AGAP1: variants seen among roughly 807,000 people sequenced by gnomAD.
AGAP1 encodes arf-GAP with GTPase, ANK repeat and PH domain-containing protein 1.
AGAP1 carries 29 observed loss-of-function variants against 105.3 expected under a neutral mutation model. The ratio of observed to expected loss-of-function variants is 0.28; its 90% confidence interval spans 0.21 to 0.38. The LOEUF (loss-of-function observed/expected upper bound fraction) is 0.38, where lower values mean the gene tolerates loss of function less well. Ranked by LOEUF, AGAP1 falls within the 10% of genes least tolerant of loss-of-function variation. The pLI is 1.00. For synonymous variants in AGAP1, 509 were observed against 485.9 expected, an observed-to-expected ratio of 1.05 and a Z score of -0.63; for missense variants, 998 against 1,165.1, an observed-to-expected ratio of 0.86 and a Z score of 2.09.
intron 16 of AGAP1, among the ~76,000 whole-genome samples, chr2:236,110,166 AG>A (rs2059607331): frequency 1.3e-5 from 2 of 152,142 alleles, no homozygotes; most frequent in African/African-American, 4.8e-5. Context: ...CTTCCTCACT[AG>A]GTGTTGTTAG....
chr2:236,126,742 A>T lies in AGAP1; in HGVS notation c.*2620A>T, dbSNP rs1448216635. On this transcript the variant is annotated 3_prime_UTR_variant, in exon 18 of 18. Transcript: ENST00000304032. Reference sequence around the variant, plus strand: ...GGGCCCAAGTTTTGGTAGCAGAAGGAAAGGCAGTTTTTGAGGGTCTTTCGA... The same window carrying T: ...GGGCCCAAGTTTTGGTAGCAGAAGGTAAGGCAGTTTTTGAGGGTCTTTCGA... 6.6e-6 allele frequency: 1 copy of T among 152,130 alleles called. No homozygotes were observed. Among genetic ancestry groups the T allele is most frequent in the Non-Finnish European group, 1.5e-5 (1 of 68,036 alleles). 9.4% of individuals were successfully genotyped at this position (152,130 alleles called of 1,614,324 possible).
rs572134079 is a variant in AGAP1 at position 235,559,180 on chromosome 2, G to A, written c.163+64331G>A. Among the ~76,000 whole-genome samples the A allele has an allele frequency of 6.6e-6, 1 of 152,320 alleles. No individual in the cohort carries two copies. The highest frequency in any genetic ancestry group is 1.9e-4 in the East Asian group (1 of 5,188). Reference sequence around the variant, plus strand: ...GGGCTTAAGTGATCCTCGCACCTCAGCTTCCCAAAGTGCTGGGATTATAGG... The same window carrying A: ...GGGCTTAAGTGATCCTCGCACCTCAACTTCCCAAAGTGCTGGGATTATAGG... On this transcript the variant is annotated intron_variant, in intron 1 of 17. Transcript: ENST00000304032. The surrounding 1 kb of genome is among the most constrained non-coding windows in gnomAD (Gnocchi z 5.7).
chr2:236,093,913 T>C (rs1032269486), intron 16 of AGAP1, among the ~76,000 whole-genome samples: 7 of 152,136 alleles, frequency 4.6e-5, no homozygotes, highest in Admixed American at 1.3e-4. Context: ...CTGAGAAACA[T>C]ATAAAAACAC....
intron 1 of AGAP1, among the ~76,000 whole-genome samples, chr2:235,573,045 C>CT (rs1188011569): frequency 0.015 from 261 of 17,806 alleles, 14 homozygotes; most frequent in Middle Eastern, 0.067. Flanking sequence ...TCTTCTTCTT[C>CT]TTCTTCTTCT....
At position 235,982,943 on chromosome 2, in the gene AGAP1, G is replaced by A. The variant is rs940233927; in HGVS notation, c.1645+14320G>A. 2.0e-5 allele frequency among the ~76,000 whole-genome samples: 3 copies of A among 152,156 alleles called. No homozygotes were observed. Among genetic ancestry groups the A allele is most frequent in the Non-Finnish European group, 4.4e-5 (3 of 68,032 alleles). On this transcript the variant is annotated intron_variant, in intron 13 of 17. Coordinates refer to ENST00000304032, the MANE Select transcript of AGAP1 (RefSeq NM_001037131.3). This position sits in a 1 kb window ranked among gnomAD's most constrained non-coding sequence, Gnocchi z 4.9. ...AAGATTTGATACCCATTCATTTATA[G>A]GCCAAATCCAGTTCTTATTTTAATT...
intron 11 of AGAP1, among the ~76,000 whole-genome samples, chr2:235,920,270 C>T (rs1469857113): frequency 6.6e-6 from 1 of 152,126 alleles, no homozygotes; most frequent in South Asian, 2.1e-4. Context: ...TAGCGTCTGA[C>T]ATGGTAAATA....
In AGAP1 at chr2:235,900,658, T is replaced by C. The variant is rs182392276; in HGVS notation, c.1156-8080T>C. On this transcript the variant is annotated intron_variant, in intron 10 of 17. Transcript: ENST00000304032. The surrounding 1 kb of genome is among the most constrained non-coding windows in gnomAD (Gnocchi z 5.5). Reference sequence around the variant, plus strand: ...GCAAAGTATTGTCACCTAGTTGGCATTGTAATTGTGACTTCAAAAGGCCAT... The same window carrying C: ...GCAAAGTATTGTCACCTAGTTGGCACTGTAATTGTGACTTCAAAAGGCCAT... 1.2e-4 allele frequency among the ~76,000 whole-genome samples: 18 copies of C among 152,312 alleles called. No individual in the cohort carries two copies. The highest frequency in any genetic ancestry group is 2.1e-4 in the South Asian group (1 of 4,828).
chr2:236,107,956 CATA>C (rs2059541858), intron 16 of AGAP1, among the ~76,000 whole-genome samples: 1 of 152,258 alleles, frequency 6.6e-6, no homozygotes. Context: ...CAAAAACACT[CATA>C]ATATTGATCA....
chr2:235,920,396 C>G (rs2052122459), intron 11 of AGAP1, among the ~76,000 whole-genome samples: 1 of 152,204 alleles, frequency 6.6e-6, no homozygotes, highest in Admixed American at 6.5e-5. Context: ...CACCTGCTGT[C>G]AGGCCATGTC....
chr2:235,605,045 A>G (rs1303316936), intron 1 of AGAP1, among the ~76,000 whole-genome samples: 1 of 149,958 alleles, frequency 6.7e-6, no homozygotes, highest in Non-Finnish European at 1.5e-5. Context: ...TGCCTGGCTA[A>G]TTTTTGTATT....
intron 1 of AGAP1, among the ~76,000 whole-genome samples, chr2:235,675,071 G>A (rs978240830): frequency 3.3e-5 from 5 of 151,718 alleles, no homozygotes; most frequent in South Asian, 2.1e-4. Flanking sequence ...AGTGGAGAAC[G>A]TGAGGACACA....
chr2:235,995,638 C>T (rs2055779324), intron 13 of AGAP1, among the ~76,000 whole-genome samples: 3 of 152,344 alleles, frequency 2.0e-5, no homozygotes, highest in Admixed American at 1.3e-4. Flanking sequence ...ACAACCTTAG[C>T]AGGGCAGCTT....
At chr2:235,618,900 C>T (rs1229794839) in intron 1 of AGAP1, among the ~76,000 whole-genome samples, 1 of 152,080 alleles carries the variant, frequency 6.6e-6, no homozygotes, top group African/African-American at 2.4e-5. Context: ...TTATTCTGGG[C>T]TATCTGGGTG....
At position 236,012,767 on chromosome 2, in the gene AGAP1, T is replaced by TATC. The variant is rs757124606; in HGVS notation, c.1646-23792_1646-23791insCAT. 1.4e-5 allele frequency among the ~76,000 whole-genome samples: 2 copies of TATC among 144,388 alleles called. No individual in the cohort carries two copies. The highest frequency in any genetic ancestry group is 3.0e-5 in the Non-Finnish European group (2 of 67,646). The allele number at this position is 144,388 out of a possible 152,430, so 94.7% of individuals were successfully genotyped here. A position where few individuals can be genotyped will look rare whatever the true frequency, so the allele number is the denominator to read the frequency against. ...GTTTAGAGGTTGTTTCTTACTAAAT[T>TATC]ATTATTATTATTATTATTATTATTC... On this transcript the variant is annotated intron_variant, in intron 13 of 17. Coordinates refer to ENST00000304032, the MANE Select transcript of AGAP1 (RefSeq NM_001037131.3). The surrounding 1 kb of genome is among the most constrained non-coding windows in gnomAD (Gnocchi z 4.9).
At chr2:235,506,534 T>A (rs1178088185) in intron 1 of AGAP1, among the ~76,000 whole-genome samples, 1 of 151,944 alleles carries the variant, frequency 6.6e-6, no homozygotes, top group African/African-American at 2.4e-5. Context: ...AAAAAAAAAT[T>A]GAACTGTGAT....
Position 235,865,714 on chromosome 2 carries a change from G to A in AGAP1, c.1051-17631G>A, listed in dbSNP as rs915536694. On this transcript the variant is annotated intron_variant, in intron 9 of 17. Coordinates refer to ENST00000304032, the MANE Select transcript of AGAP1 (RefSeq NM_001037131.3). This position sits in a 1 kb window ranked among gnomAD's most constrained non-coding sequence, Gnocchi z 6.2. ...TATTTTAAAAAGCTCAGTTAAGGGG[G>A]GATTCCTGCTGTTCCTATGGAAACA... Among the ~76,000 whole-genome samples, 1 of 152,108 alleles carries A rather than the reference G, an allele frequency of 6.6e-6. No individual in the cohort carries two copies. Among genetic ancestry groups the A allele is most frequent in the African/African-American group, 2.4e-5 (1 of 41,394 alleles).
intron 16 of AGAP1, among the ~76,000 whole-genome samples, chr2:236,102,235 G>A (rs945509947): frequency 8.5e-5 from 13 of 152,088 alleles, no homozygotes; most frequent in Non-Finnish European, 1.0e-4. Flanking sequence ...GGCTAACACG[G>A]TGAAACCCTG....
chr2:235,765,451 T>C (rs1188459373), intron 6 of AGAP1, among the ~76,000 whole-genome samples: 1 of 152,042 alleles, frequency 6.6e-6, no homozygotes. Context: ...TAGTCGAACA[T>C]GTAAATTAAT....
intron 1 of AGAP1, chr2:235,670,774 C>T (rs1011496175): frequency 5.9e-6 from 7 of 1,181,848 alleles, no homozygotes; most frequent in Admixed American, 2.2e-5. Context: ...CGCTCTCGGA[C>T]CTGGAGCGTT....
Sources: gnomAD v4.1 joint callset for allele counts (sites outside exome capture counted in the v4.1 genomes callset) on GRCh38, gnomAD v4.1.1 for gene constraint, Gnocchi (gnomAD v3.1) non-coding constraint, MANE v1.5 for transcripts, NCBI Gene and HGNC (gene_info 2026-07-23, HGNC 2026-07-21) for gene names.